Variants in ADAMTS3 observed in about 807,000 individuals in gnomAD.
ADAMTS3 encodes the protein A disintegrin and metalloproteinase with thrombospondin motifs 3.
ADAMTS3 carries 73 observed loss-of-function variants against 129.0 expected under a neutral mutation model. The ratio of observed to expected loss-of-function variants is 0.57; its 90% CI spans 0.47 to 0.69. ADAMTS3 has a LOEUF of 0.69. Among genes scored for constraint, ADAMTS3 ranks in the 30% least tolerant of loss-of-function variants. ADAMTS3 has a pLI of 0.00. For synonymous variants in ADAMTS3, 477 were observed against 510.8 expected (o/e 0.93, Z 0.89); for missense variants, 1,457 against 1,514.5 (o/e 0.96, Z 0.63).
chr4:72,486,394 T>TTG (rs1386403439), intron 3 of ADAMTS3, among the ~76,000 whole-genome samples: 1 of 152,202 alleles, frequency 6.6e-6, no homozygotes, highest in Non-Finnish European at 1.5e-5. Flanking sequence ...CTGCTCAGTC[T>TTG]TGTACAGAGA....
rs1719311252 is a variant in ADAMTS3, at chr4:72,313,770, T to A, written c.1652A>T (p.Asp551Val). The change falls in exon 12 of 22, where the codon GAT (aspartate) becomes GTT (valine). Residue 551 changes from aspartate to valine, a missense_variant. Transcript: ENST00000286657. ...MWKNANQQKQ[D>V]GNWGSWTKFG... ...TTTAGTCCATGACCCCCAATTGCCA[T>A]CTTGTTTTTGCTGATTAGCATTCTT... The A allele has an allele frequency of 1.2e-6, 2 of 1,613,774 alleles. No homozygotes were observed. The highest frequency in any genetic ancestry group is 1.7e-6 in the Non-Finnish European group (2 of 1,179,898).
At chr4:72,349,737 T>G (rs1158802691) in intron 4 of ADAMTS3, among the ~76,000 whole-genome samples, 1 of 152,074 alleles carries the variant, frequency 6.6e-6, no homozygotes, top group Non-Finnish European at 1.5e-5. Context: ...TTTGTTATGA[T>G]GCAATAAAAT....
At chr4:72,552,099 C>T (rs576288607) in intron 2 of ADAMTS3, among the ~76,000 whole-genome samples, 39 of 152,276 alleles carry the variant, frequency 2.6e-4, no homozygotes, top group South Asian at 1.0e-3. Context: ...TTATATCCAA[C>T]GTTAATTTAC....
chr4:72,306,176 C>T (rs1216032483), intron 15 of ADAMTS3, 109 bp from the exon 16 acceptor site: 1 of 686,006 alleles, frequency 1.5e-6, no homozygotes. Context: ...AAGAGGGCAT[C>T]CATAAATTTA....
In ADAMTS3 at chr4:72,314,310, T is replaced by C. The variant is rs375711989; in HGVS notation, c.1600-488A>G. 4.6e-5 allele frequency among the ~76,000 whole-genome samples: 7 copies of C among 152,338 alleles called. 1 individual carries two copies. Among genetic ancestry groups the C allele is most frequent in the Admixed American group, 4.6e-4 (7 of 15,292 alleles). On this transcript the variant is annotated intron_variant, in intron 11 of 21. Transcript: ENST00000286657. ...CACTTTTATTTAACTTTTAAAATGT[T>C]TCATTAACAATGATTCTGAGAGATA...
intron 3 of ADAMTS3, among the ~76,000 whole-genome samples, chr4:72,530,791 A>C (rs1224890531): frequency 4.4e-5 from 4 of 91,288 alleles, no homozygotes; most frequent in Non-Finnish European, 8.2e-5. Flanking sequence ...ATTATACATT[A>C]TATATTATAT....
rs1721526004 is a variant in ADAMTS3, at chr4:72,548,553, C to T, written c.429G>A (p.Gln143=). 2 of 1,613,940 alleles carry T rather than the reference C, an allele frequency of 1.2e-6. No homozygotes were observed. Among genetic ancestry groups the T allele is most frequent in the Middle Eastern group, 1.7e-4 (1 of 6,058 alleles). ...TGTCACCAACATAAGCACAGTTAGT[C>T]TGCAAAGGCTCTGTTCTCCGGATTC... ...TYRIRRTEPL[Q]TNCAYVGDIV... is the part of the protein sequence containing the mutation. Residue 143 remains glutamine (Q), a synonymous_variant, in exon 3 of 22, where the codon CAG becomes CAA. Coordinates refer to ENST00000286657, the MANE Select transcript of ADAMTS3 (RefSeq NM_014243.3).
At chr4:72,455,305 T>C (rs574874585) in intron 3 of ADAMTS3, among the ~76,000 whole-genome samples, 1 of 151,704 alleles carries the variant, frequency 6.6e-6, no homozygotes, top group Admixed American at 6.6e-5. Flanking sequence ...ATAAAAAAGA[T>C]AGGTTCATGT....
intron 3 of ADAMTS3, among the ~76,000 whole-genome samples, chr4:72,538,677 A>T (rs1024748608): frequency 1.3e-5 from 2 of 152,170 alleles, no homozygotes; most frequent in East Asian, 3.8e-4. Flanking sequence ...TTCATATGGT[A>T]TCTCAAGGGA....
chr4:72,409,363 C>A (rs1212281806), intron 4 of ADAMTS3, among the ~76,000 whole-genome samples: 6 of 152,100 alleles, frequency 3.9e-5, no homozygotes, highest in Non-Finnish European at 8.8e-5. Flanking sequence ...ATTTAAGAAT[C>A]AAGATCTGGC....
chr4:72,536,678 A>C (rs1257583038), intron 3 of ADAMTS3, among the ~76,000 whole-genome samples: 2 of 152,194 alleles, frequency 1.3e-5, no homozygotes, highest in Non-Finnish European at 2.9e-5. Flanking sequence ...TAAGTGATAG[A>C]ACTGGAACTA....
At chr4:72,455,519 T>C (rs1718525228) in intron 3 of ADAMTS3, among the ~76,000 whole-genome samples, 1 of 150,574 alleles carries the variant, frequency 6.6e-6, no homozygotes, top group Non-Finnish European at 1.5e-5. Flanking sequence ...AAATACCTAA[T>C]GTAGATGATG....
intron 3 of ADAMTS3, among the ~76,000 whole-genome samples, chr4:72,477,368 G>A (rs1031203605): frequency 6.6e-6 from 1 of 152,070 alleles, no homozygotes; most frequent in South Asian, 2.1e-4. Context: ...AATCAAACTA[G>A]AACTCAGGAT....
At chr4:72,554,560 T>C (rs1489774465) in intron 2 of ADAMTS3, among the ~76,000 whole-genome samples, 1 of 152,074 alleles carries the variant, frequency 6.6e-6, no homozygotes, top group Non-Finnish European at 1.5e-5. Context: ...CTGTTCATGA[T>C]GTGCTGATTC....
At chr4:72,537,636 A>G (rs1578775634) in intron 3 of ADAMTS3, among the ~76,000 whole-genome samples, 1 of 152,306 alleles carries the variant, frequency 6.6e-6, no homozygotes, top group Admixed American at 6.5e-5. Flanking sequence ...ACAACAAAGC[A>G]AACAGCAAGC....
At chr4:72,388,344 A>G (rs999152328) in intron 4 of ADAMTS3, among the ~76,000 whole-genome samples, 2 of 152,192 alleles carry the variant, frequency 1.3e-5, no homozygotes, top group South Asian at 4.1e-4. Flanking sequence ...TTCACTAATC[A>G]TGCAGTTTAA....
At chr4:72,534,342 A>C (rs1309931283) in intron 3 of ADAMTS3, among the ~76,000 whole-genome samples, 1 of 152,124 alleles carries the variant, frequency 6.6e-6, no homozygotes, top group Non-Finnish European at 1.5e-5. Context: ...AAAAAAAGAA[A>C]AAAGGAACAT....
At chr4:72,302,303 TA>T (rs11304337) in intron 17 of ADAMTS3, among the ~76,000 whole-genome samples, 141,764 of 144,806 alleles carry the variant, frequency 0.98, 69,427 homozygotes, top group Non-Finnish European at 0.99. Flanking sequence ...AAAATGGAAA[TA>T]AAAAAAAAAA....
At chr4:72,565,451 G>A (rs1721998708) in intron 2 of ADAMTS3, among the ~76,000 whole-genome samples, 1 of 152,078 alleles carries the variant, frequency 6.6e-6, no homozygotes, top group African/African-American at 2.4e-5. Flanking sequence ...CATGGGAACA[G>A]GGGAGCAAAA....
Sources: gnomAD v4.1 joint callset for allele counts (sites outside exome capture counted in the v4.1 genomes callset) on GRCh38, gnomAD v4.1.1 for gene constraint, MANE v1.5 for transcripts, NCBI Gene and HGNC (gene_info 2026-07-23, HGNC 2026-07-21) for gene names.